Variants in SLC8A1 observed in about 807,000 individuals in gnomAD.
SLC8A1 encodes solute carrier family 8 member A1.
Under a neutral mutation model 68.3 loss-of-function variants are expected in SLC8A1, and 18 were observed. That is an observed-to-expected ratio of 0.26 (90% CI 0.18 to 0.39). SLC8A1 has a LOEUF of 0.39. Ranked by LOEUF, SLC8A1 falls within the 10% of genes least tolerant of loss-of-function variation. SLC8A1 has a pLI of 1.00. For missense variants in SLC8A1, 985 were observed against 1,156.7 expected (o/e 0.85, Z 2.15); for synonymous variants, 475 against 415.5 (o/e 1.14, Z -1.74).
intron 2 of SLC8A1, among the ~76,000 whole-genome samples, chr2:40,295,712 T>C (rs1185703517): frequency 1.3e-5 from 2 of 152,180 alleles, no homozygotes; most frequent in African/African-American, 2.4e-5. Context: ...AACTCCTATA[T>C]AGTGATAATG....
intron 1 of SLC8A1, among the ~76,000 whole-genome samples, chr2:40,460,086 T>G (rs983852864): frequency 6.6e-6 from 1 of 152,240 alleles, no homozygotes; most frequent in African/African-American, 2.4e-5. Flanking sequence ...ACTTGGAGAC[T>G]CAGGGCCTAA....
chr2:40,428,957 C>G (rs1697607341), exon 2 of SLC8A1: 2 of 1,613,754 alleles, frequency 1.2e-6, no homozygotes, highest in African/African-American at 1.3e-5. Context: ...CTGAAGTCAA[C>G]AAACACAGTG....
At chr2:40,326,118 T>A in intron 2 of SLC8A1, among the ~76,000 whole-genome samples, 1 of 152,116 alleles carries the variant, frequency 6.6e-6, no homozygotes, top group Admixed American at 6.6e-5. Flanking sequence ...TGTCTGGATT[T>A]TTCAGACAGG....
chr2:40,323,237 C>T (rs1457110292), intron 2 of SLC8A1, among the ~76,000 whole-genome samples: 1 of 152,086 alleles, frequency 6.6e-6, no homozygotes, highest in East Asian at 1.9e-4. Flanking sequence ...ACATCCATTG[C>T]AGTGTTTCCT....
chr2:40,447,141 T>C (rs1701593215), intron 1 of SLC8A1, among the ~76,000 whole-genome samples: 1 of 152,208 alleles, frequency 6.6e-6, no homozygotes, highest in African/African-American at 2.4e-5. Flanking sequence ...ATCTATTACA[T>C]GTACAAGAAA....
chr2:40,175,757 C>A (rs1419249680), intron 3 of SLC8A1, among the ~76,000 whole-genome samples: 1 of 152,040 alleles, frequency 6.6e-6, no homozygotes, highest in African/African-American at 2.4e-5. Flanking sequence ...ACCTTTTATT[C>A]AGTAAGTACA....
At chr2:40,431,883 G>A (rs947419404) in intron 1 of SLC8A1, among the ~76,000 whole-genome samples, 6 of 152,190 alleles carry the variant, frequency 3.9e-5, no homozygotes, top group Middle Eastern at 3.4e-3. Context: ...GACCCTGAGA[G>A]ATCCCACCAT....
chr2:40,265,878 A>C (rs1460069751), intron 2 of SLC8A1, among the ~76,000 whole-genome samples: 1 of 152,188 alleles, frequency 6.6e-6, no homozygotes, highest in Admixed American at 6.6e-5. Context: ...ATCTACTAGC[A>C]GCCAAGGATA....
intron 2 of SLC8A1, among the ~76,000 whole-genome samples, chr2:40,424,936 T>C (rs1031784986): frequency 5.3e-5 from 8 of 151,862 alleles, no homozygotes; most frequent in Non-Finnish European, 7.4e-5. Flanking sequence ...TAATAATTAT[T>C]ACCATTAAAC....
At chr2:40,287,619 T>C (rs994518359) in intron 2 of SLC8A1, among the ~76,000 whole-genome samples, 4 of 148,390 alleles carry the variant, frequency 2.7e-5, no homozygotes, top group South Asian at 2.1e-4. Flanking sequence ...TGTGTGTGTG[T>C]GCATGCAGGG....
At chr2:40,287,639 C>T (rs2068564333) in intron 2 of SLC8A1, among the ~76,000 whole-genome samples, 1 of 103,086 alleles carries the variant, frequency 9.7e-6, no homozygotes, top group African/African-American at 3.6e-5. Flanking sequence ...GACAAGGGGG[C>T]ATCTTAGCTC....
chr2:40,122,554 G>C (rs554232750), intron 7 of SLC8A1, among the ~76,000 whole-genome samples: 14 of 152,298 alleles, frequency 9.2e-5, no homozygotes, highest in Admixed American at 2.6e-4. Flanking sequence ...CTACAAATGA[G>C]AGTCAGCAGG....
At chr2:40,126,013 T>C (rs1295376599) in intron 7 of SLC8A1, among the ~76,000 whole-genome samples, 1 of 152,196 alleles carries the variant, frequency 6.6e-6, no homozygotes, top group Non-Finnish European at 1.5e-5. Flanking sequence ...CAGTTACCCT[T>C]AGTTTCATTT....
At chr2:40,221,183 A>G (rs1010086078) in intron 2 of SLC8A1, among the ~76,000 whole-genome samples, 48 of 152,162 alleles carry the variant, frequency 3.2e-4, no homozygotes, top group African/African-American at 1.1e-3. Flanking sequence ...CTTATCCACC[A>G]TGATCAAGTG....
intron 2 of SLC8A1, among the ~76,000 whole-genome samples, chr2:40,302,506 TG>T (rs2071698328): frequency 6.7e-6 from 1 of 149,958 alleles, no homozygotes; most frequent in South Asian, 2.1e-4. Flanking sequence ...CATATATGTG[TG>T]TGTATACATA....
At chr2:40,247,319 G>C (rs1238598296) in intron 2 of SLC8A1, among the ~76,000 whole-genome samples, 1 of 152,148 alleles carries the variant, frequency 6.6e-6, no homozygotes, top group African/African-American at 2.4e-5. Flanking sequence ...CAGGCTCTAG[G>C]TTAAGCCAAA....
chr2:40,444,250 G>A (rs1281155137), intron 1 of SLC8A1, among the ~76,000 whole-genome samples: 3 of 152,102 alleles, frequency 2.0e-5, no homozygotes, highest in African/African-American at 7.2e-5. Flanking sequence ...GAGCCAGGAG[G>A]ATTACTTGGG....
intron 2 of SLC8A1, among the ~76,000 whole-genome samples, chr2:40,207,134 G>A (rs758570302): frequency 3.3e-5 from 5 of 151,930 alleles, no homozygotes; most frequent in Non-Finnish European, 7.4e-5. Flanking sequence ...GTTACTTATG[G>A]GCATTTTTTC....
intron 1 of SLC8A1, among the ~76,000 whole-genome samples, chr2:40,470,110 T>C (rs1239875960): frequency 6.6e-6 from 1 of 152,182 alleles, no homozygotes; most frequent in Non-Finnish European, 1.5e-5. Context: ...TTCCCTATTT[T>C]TCTGCATACT....
Sources: gnomAD v4.1 joint callset for allele counts (sites outside exome capture counted in the v4.1 genomes callset) on GRCh38, gnomAD v4.1.1 for gene constraint, MANE v1.5 for transcripts, NCBI Gene and HGNC (gene_info 2026-07-23, HGNC 2026-07-21) for gene names.